GRIN2A: variants seen among roughly 807,000 people sequenced by gnomAD.
The protein encoded by GRIN2A is glutamate receptor ionotropic, NMDA 2A.
In GRIN2A, 22 loss-of-function variants were observed where a neutral mutation model predicts 113.4. The observed-to-expected ratio is 0.19, with a 90% CI of 0.14 to 0.28. The LOEUF (loss-of-function observed/expected upper bound fraction) is 0.28, where lower values mean the gene tolerates loss of function less well. Among genes scored for constraint, GRIN2A ranks in the 10% least tolerant of loss-of-function variants. The probability of loss-of-function intolerance (pLI) is 1.00; values close to 1 mark genes in which losing one functional copy is unlikely to be tolerated. For missense variants in GRIN2A, 1,502 were observed against 1,887.0 expected (o/e 0.80, Z 3.78); for synonymous variants, 827 against 738.4 (o/e 1.12, Z -1.94).
At chr16:10,062,473 C>T (rs776040149) in intron 2 of GRIN2A, among the ~76,000 whole-genome samples, 5 of 152,150 alleles carry the variant, frequency 3.3e-5, no homozygotes, top group Non-Finnish European at 7.3e-5. Flanking sequence ...TGCCTCCAGA[C>T]CTAATGAAAC....
At chr16:10,147,455 CAAAA>C (rs367830700) in intron 2 of GRIN2A, among the ~76,000 whole-genome samples, 12 of 72,940 alleles carry the variant, frequency 1.6e-4, no homozygotes, top group African/African-American at 3.2e-4. Context: ...ACTAAAAATA[CAAAA>C]AAAAAAAAAA....
intron 2 of GRIN2A, among the ~76,000 whole-genome samples, chr16:9,984,168 C>A (rs2045940057): frequency 6.6e-6 from 1 of 151,806 alleles, no homozygotes; most frequent in African/African-American, 2.4e-5. Flanking sequence ...TTTTCATAAA[C>A]TTGTCCATTT....
intron 2 of GRIN2A, among the ~76,000 whole-genome samples, chr16:10,073,730 C>T (rs61128056): frequency 6.6e-5 from 10 of 150,412 alleles, no homozygotes; most frequent in Non-Finnish European, 1.0e-4. Flanking sequence ...ATGGTGAAAC[C>T]GCATCTCTAC....
At chr16:10,027,583 C>A (rs150406248) in intron 2 of GRIN2A, 34 of 152,434 alleles carry the variant, frequency 2.2e-4, no homozygotes, top group African/African-American at 8.2e-4. Flanking sequence ...CTCTGGACAT[C>A]GATGGAATAT....
At chr16:9,982,083 A>T (rs2141779281) in intron 2 of GRIN2A, among the ~76,000 whole-genome samples, 1 of 152,100 alleles carries the variant, frequency 6.6e-6, no homozygotes, top group East Asian at 1.9e-4. Flanking sequence ...CCCCGCAGCC[A>T]GTGTAATTAA....
intron 2 of GRIN2A, among the ~76,000 whole-genome samples, chr16:10,079,631 G>T (rs1164127730): frequency 6.6e-6 from 1 of 152,156 alleles, no homozygotes; most frequent in Non-Finnish European, 1.5e-5. Flanking sequence ...AAAACAAAAT[G>T]ATGACAGCCA....
intron 10 of GRIN2A, among the ~76,000 whole-genome samples, chr16:9,819,873 A>C (rs2042247884): frequency 7.3e-6 from 1 of 137,130 alleles, no homozygotes; most frequent in Admixed American, 8.1e-5. Flanking sequence ...GCGGGGAGAG[A>C]CTGCACCATT....
At chr16:9,825,372 G>A (rs540508579) in intron 9 of GRIN2A, among the ~76,000 whole-genome samples, 4 of 152,188 alleles carry the variant, frequency 2.6e-5, no homozygotes, top group Admixed American at 2.6e-4. Flanking sequence ...AAACAATGAA[G>A]CCTGTCTCCT....
At chr16:10,018,294 A>T (rs2046647255) in intron 2 of GRIN2A, among the ~76,000 whole-genome samples, 1 of 152,206 alleles carries the variant, frequency 6.6e-6, no homozygotes, top group Admixed American at 6.5e-5. Flanking sequence ...GTGTTATAAG[A>T]ATTCTGATCT....
chr16:9,995,599 T>C (rs2046207903), intron 2 of GRIN2A, among the ~76,000 whole-genome samples: 1 of 152,118 alleles, frequency 6.6e-6, no homozygotes, highest in Non-Finnish European at 1.5e-5. Context: ...TCACTCCCAG[T>C]CATAATGAAA....
chr16:9,785,153 A>G (rs1008908716), intron 11 of GRIN2A, among the ~76,000 whole-genome samples: 43 of 152,300 alleles, frequency 2.8e-4, no homozygotes, highest in African/African-American at 9.6e-4. Context: ...TGTTTATTGC[A>G]GCACTATTCA....
chr16:10,163,307 G>A (rs2049842804), intron 2 of GRIN2A, among the ~76,000 whole-genome samples: 1 of 152,178 alleles, frequency 6.6e-6, no homozygotes, highest in South Asian at 2.1e-4. Flanking sequence ...GAAGGTGGAA[G>A]GTTAGAAGGA....
intron 11 of GRIN2A, chr16:9,769,347 T>G: frequency 2.3e-5 from 4 of 174,792 alleles, no homozygotes; most frequent in Non-Finnish European, 2.4e-5. Context: ...AGAGAGAGTA[T>G]AGCAAACTTA....
chr16:10,091,912 T>C, intron 2 of GRIN2A, among the ~76,000 whole-genome samples: 1 of 152,206 alleles, frequency 6.6e-6, no homozygotes, highest in Admixed American at 6.5e-5. Flanking sequence ...TTAGGGCTGG[T>C]GAAAATGTTC....
intron 2 of GRIN2A, among the ~76,000 whole-genome samples, chr16:10,007,805 G>A (rs369397019): frequency 8.5e-5 from 13 of 152,278 alleles, no homozygotes; most frequent in African/African-American, 3.1e-4. Flanking sequence ...AGACAGATTT[G>A]AAAGGAAGAA....
intron 2 of GRIN2A, among the ~76,000 whole-genome samples, chr16:10,108,056 A>T (rs1257891624): frequency 6.6e-6 from 1 of 152,140 alleles, no homozygotes; most frequent in Non-Finnish European, 1.5e-5. Context: ...AAGATTAGGT[A>T]CTCCTTGCAT....
intron 2 of GRIN2A, among the ~76,000 whole-genome samples, chr16:10,091,184 C>T (rs1417567767): frequency 4.6e-5 from 7 of 152,168 alleles, no homozygotes; most frequent in Admixed American, 2.0e-4. Flanking sequence ...CCCAGCAATT[C>T]CACTTATAGG....
intron 4 of GRIN2A, among the ~76,000 whole-genome samples, chr16:9,852,909 A>T (rs762896406): frequency 5.3e-5 from 8 of 152,230 alleles, no homozygotes; most frequent in Non-Finnish European, 1.0e-4. Flanking sequence ...AGACACTGAG[A>T]ATACTGTAAT....
At chr16:10,102,076 C>T (rs1046013399) in intron 2 of GRIN2A, among the ~76,000 whole-genome samples, 1 of 152,212 alleles carries the variant, frequency 6.6e-6, no homozygotes, top group African/African-American at 2.4e-5. Flanking sequence ...ATCACACGAA[C>T]TCCTAGACAT....
Sources: allele counts gnomAD v4.1 joint callset (sites outside exome capture counted in the v4.1 genomes callset), GRCh38; gene constraint gnomAD v4.1.1; transcripts MANE v1.5; gene names NCBI Gene and HGNC (gene_info 2026-07-23, HGNC 2026-07-21).